DPYD: variants seen among roughly 807,000 people sequenced by gnomAD.
DPYD encodes the protein dihydropyrimidine dehydrogenase, also known as dihydropyrimidine dehydrogenase [NADP(+)].
A neutral mutation model predicts 116.2 loss-of-function variants in DPYD; 109 were observed. The ratio of observed to expected loss-of-function variants is 0.94; its 90% CI spans 0.80 to 1.10. The LOEUF (loss-of-function observed/expected upper bound fraction) is 1.10, where lower values mean the gene tolerates loss of function less well. Among genes scored for constraint, DPYD ranks in the 50% least tolerant of loss-of-function variants. The pLI is 0.00. For synonymous variants in DPYD, 440 were observed against 432.0 expected (o/e 1.02, Z -0.23); for missense variants, 1,302 against 1,254.5 (o/e 1.04, Z -0.57).
intron 21 of DPYD, among the ~76,000 whole-genome samples, chr1:97,089,828 T>G (rs1301713203): frequency 1.1e-4 from 1 of 8,696 alleles, no homozygotes; most frequent in Non-Finnish European, 1.8e-4. Flanking sequence ...ATTTTGTTTG[T>G]TTTTTTTTTT....
chr1:97,216,191 T>C (rs923930422), intron 19 of DPYD, among the ~76,000 whole-genome samples: 1 of 152,190 alleles, frequency 6.6e-6, no homozygotes, highest in African/African-American at 2.4e-5. Flanking sequence ...CATGTCTCTG[T>C]CTCAAAAGCC....
chr1:97,476,378 G>A (rs1677962010), intron 13 of DPYD, among the ~76,000 whole-genome samples: 1 of 151,970 alleles, frequency 6.6e-6, no homozygotes, highest in South Asian at 2.1e-4. Flanking sequence ...AGTAGAAAAT[G>A]ATAAAAAATA....
chr1:97,520,855 TTTC>T (rs1381738118), intron 12 of DPYD, among the ~76,000 whole-genome samples: 2 of 152,214 alleles, frequency 1.3e-5, no homozygotes, highest in Non-Finnish European at 2.9e-5. Context: ...TGAGCCACAT[TTTC>T]TTTATCTAGT....
intron 3 of DPYD, among the ~76,000 whole-genome samples, chr1:97,814,957 GGAGA>G (rs1270486840): frequency 1.5e-5 from 2 of 133,600 alleles, no homozygotes; most frequent in Admixed American, 7.9e-5. Flanking sequence ...AAGAAAGAAA[GGAGA>G]GAAAGAAAGA....
intron 8 of DPYD, among the ~76,000 whole-genome samples, chr1:97,600,472 A>G (rs1557829203): frequency 6.6e-6 from 1 of 152,178 alleles, no homozygotes; most frequent in East Asian, 1.9e-4. Flanking sequence ...TAAATCTTAT[A>G]AAATATCTTA....
intron 21 of DPYD, among the ~76,000 whole-genome samples, chr1:97,087,337 T>C (rs1334659229): frequency 6.6e-6 from 1 of 152,112 alleles, no homozygotes; most frequent in Non-Finnish European, 1.5e-5. Context: ...CAGACAGGAG[T>C]ACTGTACAGT....
chr1:97,634,052 G>A (rs894080294), intron 8 of DPYD, among the ~76,000 whole-genome samples: 6 of 152,048 alleles, frequency 3.9e-5, no homozygotes, highest in African/African-American at 7.2e-5. Flanking sequence ...GCTTCAGCTC[G>A]AAAATCATCC....
In DPYD at chr1:97,838,863, T is replaced by A. The variant is rs774290483; in HGVS notation, c.151-10667A>T. Among the ~76,000 whole-genome samples the A allele has an allele frequency of 3.2e-3, 389 of 120,928 alleles. 1 individual carries two copies. The highest frequency in any genetic ancestry group is 3.7e-3 in the African/African-American group (129 of 34,468). The allele number at this position is 120,928 out of a possible 152,430, so 79.3% of individuals were successfully genotyped here. On this transcript the variant is annotated intron_variant, in intron 2 of 22. Coordinates refer to ENST00000370192, the MANE Select transcript of DPYD (RefSeq NM_000110.4). ...CGAGACTCCGTCTCAAAAAAAAAAA[T>A]AAATAAAAAAATAAAAGAACTTGAG...
intron 13 of DPYD, among the ~76,000 whole-genome samples, chr1:97,475,608 A>C (rs895791158): frequency 5.3e-5 from 8 of 151,584 alleles, no homozygotes; most frequent in Admixed American, 3.3e-4. Flanking sequence ...GCCATTTAGC[A>C]AATACTTACT....
At chr1:97,288,883 T>A (rs977071027) in intron 18 of DPYD, among the ~76,000 whole-genome samples, 20 of 151,902 alleles carry the variant, frequency 1.3e-4, no homozygotes, top group African/African-American at 4.6e-4. Context: ...CTTCAAAAAA[T>A]TAATGAATCC....
At chr1:97,421,448 C>G (rs79604719) in intron 14 of DPYD, among the ~76,000 whole-genome samples, 1 of 134,762 alleles carries the variant, frequency 7.4e-6, no homozygotes, top group South Asian at 2.3e-4. Context: ...AAAAACAAAA[C>G]AAAACAACAA....
chr1:97,294,023 C>T (rs992520533), intron 18 of DPYD, among the ~76,000 whole-genome samples: 2 of 152,006 alleles, frequency 1.3e-5, no homozygotes, highest in Non-Finnish European at 2.9e-5. Flanking sequence ...AATGGGGTTT[C>T]TTACATGTCT....
At chr1:97,098,374 T>C in intron 21 of DPYD, 115 bp downstream of exon 21, 1 of 1,277,930 alleles carries the variant, frequency 7.8e-7, no homozygotes, top group Non-Finnish European at 1.1e-6. Context: ...AAAACTTTCA[T>C]TATAATTCTA....
intron 8 of DPYD, among the ~76,000 whole-genome samples, chr1:97,640,453 C>A (rs1657823247): frequency 6.6e-6 from 1 of 152,014 alleles, no homozygotes; most frequent in Non-Finnish European, 1.5e-5. Context: ...GGATTAGAGG[C>A]ACTTGCTACC....
intron 16 of DPYD, among the ~76,000 whole-genome samples, chr1:97,366,878 C>T (rs957979485): frequency 1.3e-5 from 2 of 152,066 alleles, no homozygotes; most frequent in South Asian, 2.1e-4. Flanking sequence ...TTTTCTCTAA[C>T]CTTTGGGATT....
At chr1:97,435,753 A>C in intron 14 of DPYD, among the ~76,000 whole-genome samples, 1 of 151,950 alleles carries the variant, frequency 6.6e-6, no homozygotes, top group East Asian at 1.9e-4. Flanking sequence ...TCAGGGGGAA[A>C]ATGTGAAATT....
chr1:97,605,466 C>A (rs958881031), intron 8 of DPYD, among the ~76,000 whole-genome samples: 3 of 152,006 alleles, frequency 2.0e-5, no homozygotes, highest in African/African-American at 7.2e-5. Context: ...CTCCGTCCTG[C>A]TACCCTGTGA....
At chr1:97,761,462 A>G (rs1665572237) in intron 3 of DPYD, among the ~76,000 whole-genome samples, 1 of 152,160 alleles carries the variant, frequency 6.6e-6, no homozygotes, top group South Asian at 2.1e-4. Context: ...AAATAAGCCA[A>G]GCAGAAATTC....
intron 20 of DPYD, among the ~76,000 whole-genome samples, chr1:97,121,479 G>T (rs929683555): frequency 6.6e-6 from 1 of 152,098 alleles, no homozygotes; most frequent in Non-Finnish European, 1.5e-5. Context: ...AATCCTCAGG[G>T]TATGGGACTG....
Sources: gnomAD v4.1 joint callset for allele counts (sites outside exome capture counted in the v4.1 genomes callset) on GRCh38, gnomAD v4.1.1 for gene constraint, MANE v1.5 for transcripts, NCBI Gene and HGNC (gene_info 2026-07-23, HGNC 2026-07-21) for gene names.